MYO15B: variants seen among roughly 807,000 people sequenced by gnomAD.
MYO15B encodes the protein myosin XVB pseudogene.
MYO15B carries 207 observed loss-of-function variants against 119.3 expected under a neutral mutation model. That is an observed-to-expected ratio of 1.73 (90% CI 1.55 to 1.95). The LOEUF is 1.95. MYO15B is among the 30% of genes most tolerant of loss of function. MYO15B has a pLI of 0.00. For missense variants in MYO15B, 2,264 were observed against 1,203.1 expected, an observed-to-expected ratio of 1.88 and a Z score of -13.04; for synonymous variants, 966 against 498.9, an observed-to-expected ratio of 1.94 and a Z score of -12.48.
exon 38 of MYO15B, chr17:75,616,316 G>T: frequency 1.7e-6 from 1 of 604,900 alleles, no homozygotes; most frequent in East Asian, 2.7e-5. Context: ...TTGCAGGGCA[G>T]CCACAGATCA....
chr17:75,595,230 G>A (rs1801837383), intron 12 of MYO15B, among the ~76,000 whole-genome samples: 1 of 152,188 alleles, frequency 6.6e-6, no homozygotes, highest in Non-Finnish European at 1.5e-5. Flanking sequence ...GCGCCTTGGA[G>A]TTCTCGCTTC....
chr17:75,621,503 T>C (rs1245588935), exon 52 of MYO15B: 3 of 701,690 alleles, frequency 4.3e-6, no homozygotes, highest in Non-Finnish European at 7.8e-6. Flanking sequence ...GGCCACAGGC[T>C]CCCATCCAGG....
chr17:75,588,574 C>G (rs1028114850), exon 1 of MYO15B: 8 of 398,962 alleles, frequency 2.0e-5, no homozygotes, highest in African/African-American at 1.4e-4. Context: ...GAGCGGCAGC[C>G]AGCGCGGCAC....
chr17:75,620,883 C>T (rs2058668884), intron 49 of MYO15B, 148 bp from the exon 50 acceptor site: 3 of 702,076 alleles, frequency 4.3e-6, no homozygotes, highest in Non-Finnish European at 7.8e-6. Context: ...CAAGGCTGCC[C>T]CAGCAGATGC....
At chr17:75,599,300 A>G (rs865354) in intron 14 of MYO15B, among the ~76,000 whole-genome samples, 115,132 of 150,496 alleles carry the variant, frequency 0.77, 44,122 homozygotes, top group Admixed American at 0.82. Flanking sequence ...TTTTTGAGAC[A>G]GAGTCTCGCT....
In MYO15B at chr17:75,624,927, C is replaced by T; in HGVS notation, c.8688+11C>T. On this transcript the variant is annotated intron_variant, in intron 59 of 63. Transcript: ENST00000645453. Reference sequence around the variant, plus strand: ...ACCCACTACAGCCAGGTCAGCCTGCCTGCCTCCGAGCTGCTGCTGCAGTTT... The same window carrying T: ...ACCCACTACAGCCAGGTCAGCCTGCTTGCCTCCGAGCTGCTGCTGCAGTTT... The T allele has an allele frequency of 1.4e-6, 1 of 701,862 alleles. No individual in the cohort carries two copies. Among genetic ancestry groups the T allele is most frequent in the South Asian group, 1.5e-5 (1 of 67,576 alleles). 43.5% of individuals were successfully genotyped at this position (701,862 alleles called of 1,614,324 possible).
Position 75,592,052 on chromosome 17 carries a change from G to T in MYO15B, c.2623G>T (p.Gly875Cys), listed in dbSNP as rs576558896. 4.3e-6 allele frequency: 3 copies of T among 702,842 alleles called. No individual in the cohort carries two copies. The East Asian group carries it at 8.0e-5, about 19-fold the overall frequency. 43.5% of individuals were successfully genotyped at this position (702,842 alleles called of 1,614,324 possible). A position where few individuals can be genotyped will look rare whatever the true frequency, so the allele number is the denominator to read the frequency against. ...CCTCAATGCCAATGCCAGCCGCTTCGGCCAGGTCTTCTGCCTCTACCTACA... is the reference window on the plus strand; with the variant it reads ...CCTCAATGCCAATGCCAGCCGCTTCTGCCAGGTCTTCTGCCTCTACCTACA... Residue 875 changes from glycine (G) to cysteine (C), a missense_variant, in exon 6 of 64, where the codon GGC (glycine) becomes TGC (cysteine). Coordinates refer to ENST00000645453, the Ensembl canonical transcript of MYO15B.
intron 21 of MYO15B, among the ~76,000 whole-genome samples, chr17:75,606,654 G>A (rs2057672939): frequency 6.6e-6 from 1 of 151,764 alleles, no homozygotes; most frequent in South Asian, 2.1e-4. Flanking sequence ...TGTATTTTTA[G>A]TAGAGACGGG....
At chr17:75,591,396 C>A (rs72854926) in intron 4 of MYO15B, 150 bp downstream of exon 4, 93,153 of 618,440 alleles carry the variant, frequency 0.15, 8,015 homozygotes, top group Non-Finnish European at 0.18. Context: ...TGGCTGAAAT[C>A]ATCACATGAG....
chr17:75,623,729 C>T (rs1598934128), intron 53 of MYO15B, 52 bp from the exon 54 acceptor site: 2 of 700,884 alleles, frequency 2.9e-6, no homozygotes, highest in African/African-American at 3.5e-5. Context: ...GCTTCAGACC[C>T]CAGGCTCACC....
At chr17:75,602,728 C>A (rs1020130265) in intron 16 of MYO15B, 102 bp from the exon 17 acceptor site, 1 of 604,632 alleles carries the variant, frequency 1.7e-6, no homozygotes, top group Non-Finnish European at 2.9e-6. Context: ...CTGAGCTTGC[C>A]AGGGTCTGGA....
chr17:75,590,971 A>T (rs1231822136), exon 3 of MYO15B: 1 of 563,006 alleles, frequency 1.8e-6, no homozygotes, highest in Non-Finnish European at 3.2e-6. Context: ...TTTTCACCTG[A>T]GGTCCAGGCA....
intron 52 of MYO15B, 52 bp downstream of exon 52, chr17:75,621,622 G>A (rs892202674): frequency 1.5e-6 from 1 of 686,852 alleles, no homozygotes; most frequent in Non-Finnish European, 2.7e-6. Flanking sequence ...CCATGAACCT[G>A]GGTGTCTGGT....
At position 75,622,086 on chromosome 17, in the gene MYO15B, C is replaced by T; in HGVS notation, c.8082+6C>T. On this transcript the variant is annotated splice_donor_region_variant and intron_variant, in intron 53 of 63. Transcript: ENST00000645453. ...TGCTCTATGAACTGCTGAAGGTAAG[C>T]CTGGGCTGTGCGACCCCCAGCGCCT... 1.0e-5 allele frequency: 7 copies of T among 702,970 alleles called. No individual in the cohort carries two copies. Among genetic ancestry groups the T allele is most frequent in the Non-Finnish European group, 1.8e-5 (7 of 384,960 alleles). The allele number at this position is 702,970 out of a possible 1,614,324, so 43.5% of individuals were successfully genotyped here. A position where few individuals can be genotyped will look rare whatever the true frequency, so the allele number is the denominator to read the frequency against.
At chr17:75,591,837 C>T (rs1257436723) in intron 5 of MYO15B, 125 bp downstream of exon 5, 4 of 672,862 alleles carry the variant, frequency 5.9e-6, no homozygotes, top group Non-Finnish European at 1.1e-5. Flanking sequence ...GTCTCCAGGC[C>T]TCTGGCGTCT....
exon 57 of MYO15B, chr17:75,624,386 G>T (rs542246481): frequency 1.4e-6 from 1 of 702,506 alleles, no homozygotes; most frequent in Admixed American, 2.0e-5. Context: ...CAAGCGATTC[G>T]CCTGCTTCTT....
At chr17:75,616,380 C>CAGGAGGAGGAGGAGGAGG (rs368250560) in exon 38 of MYO15B, 7 of 610,018 alleles carry the variant, frequency 1.1e-5, no homozygotes, top group Middle Eastern at 2.9e-4. Context: ...GGGGGAAGCG[C>CAGGAGGAGGAGGAGGAGG]AGGAGGAGGA....
intron 12 of MYO15B, among the ~76,000 whole-genome samples, chr17:75,595,235 C>T (rs538212502): frequency 1.3e-5 from 2 of 152,304 alleles, no homozygotes; most frequent in African/African-American, 2.4e-5. Context: ...TTGGAGTTCT[C>T]GCTTCCACTC....
At chr17:75,604,638 C>T (rs371364844) in intron 19 of MYO15B, among the ~76,000 whole-genome samples, 2 of 150,504 alleles carry the variant, frequency 1.3e-5, no homozygotes, top group Non-Finnish European at 3.0e-5. Flanking sequence ...CTGTTGCTCC[C>T]GTGGCCCAGA....
Sources: allele counts gnomAD v4.1 joint callset (sites outside exome capture counted in the v4.1 genomes callset), GRCh38; gene constraint gnomAD v4.1.1; transcripts MANE v1.5; gene names NCBI Gene and HGNC (gene_info 2026-07-23, HGNC 2026-07-21).